Variants in SLC12A7 observed in about 807,000 individuals in gnomAD.
The protein encoded by SLC12A7 is K-Cl cotransporter 4.
Under a neutral mutation model 120.6 loss-of-function variants are expected in SLC12A7, and 100 were observed. That is an observed-to-expected ratio of 0.83 (90% confidence interval 0.71 to 0.98). The LOEUF (loss-of-function observed/expected upper bound fraction) is 0.98. Ranked by LOEUF, SLC12A7 falls within the 50% of genes least tolerant of loss-of-function variation. SLC12A7 has a pLI of 0.00. For synonymous variants in SLC12A7, 760 were observed against 678.0 expected (o/e 1.12, Z -1.88); for missense variants, 1,373 against 1,548.1 (o/e 0.89, Z 1.90).
At chr5:1,148,154 T>A in the SLC12A7 span, among the ~76,000 whole-genome samples, 12 of 152,148 alleles carry the variant, frequency 7.9e-5, no homozygotes, top group Admixed American at 7.9e-4. Context: ...TAAACCTCTT[T>A]AAATATTTTA....
rs1736041351 is a variant in SLC12A7 at position 1,060,239 on chromosome 5, C to A, written c.2847+105G>T. On this transcript the variant is annotated intron_variant, in intron 21 of 23. Coordinates refer to ENST00000264930, the MANE Select transcript of SLC12A7 (RefSeq NM_006598.3). The stretch of plus-strand genomic sequence containing the variant: ...TGCGACGCAGTACCTGAGGCATGCT[C>A]TCTGGAGGACCCTCGTGGGCTGCAG... 1.1e-5 allele frequency: 9 copies of A among 845,624 alleles called. No individual in the cohort carries two copies. The East Asian group carries it at 2.2e-4, about 21-fold the overall frequency. 52.4% of individuals were successfully genotyped at this position (845,624 alleles called of 1,614,324 possible). A position where few individuals can be genotyped will look rare whatever the true frequency, so the allele number is the denominator to read the frequency against.
chr5:1,084,412 G>A (rs969528173), intron 7 of SLC12A7, among the ~76,000 whole-genome samples: 3 of 152,218 alleles, frequency 2.0e-5, no homozygotes, highest in East Asian at 1.9e-4. Context: ...GGCCCTCGGC[G>A]GCGTCCTGGC....
chr5:1,153,782 C>T, the SLC12A7 span, among the ~76,000 whole-genome samples: 5 of 152,180 alleles, frequency 3.3e-5, no homozygotes, highest in South Asian at 2.1e-4. Flanking sequence ...TCAAGAGGAA[C>T]GTGCACCCTG....
At chr5:1,138,396 T>C in the SLC12A7 span, among the ~76,000 whole-genome samples, 1 of 152,212 alleles carries the variant, frequency 6.6e-6, no homozygotes. Flanking sequence ...TGCTGATTGG[T>C]GCATTTACAA....
At chr5:1,133,321 C>T in the SLC12A7 span, among the ~76,000 whole-genome samples, 5 of 152,162 alleles carry the variant, frequency 3.3e-5, no homozygotes, top group Admixed American at 3.3e-4. Context: ...CTCCCCCCAA[C>T]CCCCCGACCT....
At position 1,063,969 on chromosome 5, in the gene SLC12A7, T is replaced by A. The variant is rs1318094509; in HGVS notation, c.2614A>T (p.Arg872Trp). The change falls in exon 20 of 24, where the codon AGG becomes TGG. Residue 872 changes from arginine (R) to tryptophan (W), a missense_variant. Physicochemically the swap from Arg to Trp is moderately radical, Grantham distance 101 (BLOSUM62 -3). Transcript: ENST00000264930. Reference protein sequence around the residue: ...PFLLRQHKVWRKCRMRIFTVA... With the variant: ...PFLLRQHKVWWKCRMRIFTVA... ...GTGAAGATACGCATCCGGCACTTCC[T>A]CCACACCTGCAGACAGGGAGGGCAT... 6.2e-7 allele frequency: 1 copy of A among 1,612,262 alleles called. No individual in the cohort carries two copies. The highest frequency in any genetic ancestry group is 8.5e-7 in the Non-Finnish European group (1 of 1,179,672).
the SLC12A7 span, among the ~76,000 whole-genome samples, chr5:1,145,107 C>T: frequency 6.6e-5 from 10 of 152,228 alleles, no homozygotes; most frequent in South Asian, 4.1e-4. This position sits in a 1 kb window ranked among gnomAD's most constrained non-coding sequence, Gnocchi z 4.4. Flanking sequence ...AGCTGGAGGC[C>T]GCAGGGGGCC....
At chr5:1,078,505 C>T (rs959268939) in intron 11 of SLC12A7, 196 bp downstream of exon 11, 6 of 630,090 alleles carry the variant, frequency 9.5e-6, no homozygotes, top group South Asian at 1.9e-5. Flanking sequence ...TGGCTCTGAA[C>T]GGTTCCCCAG....
At chr5:1,136,590 A>G in the SLC12A7 span, among the ~76,000 whole-genome samples, 1 of 127,696 alleles carries the variant, frequency 7.8e-6, no homozygotes, top group Non-Finnish European at 1.6e-5. Context: ...ATGCTCAGAC[A>G]CCACCAGGAC....
At chr5:1,123,637 G>A in the SLC12A7 span, among the ~76,000 whole-genome samples, 1 of 152,238 alleles carries the variant, frequency 6.6e-6, no homozygotes, top group Non-Finnish European at 1.5e-5. Flanking sequence ...CCCCGCTGAG[G>A]GGCCGGGGGC....
chr5:1,115,400 G>A (rs770638916), upstream of SLC12A7, among the ~76,000 whole-genome samples: 4 of 152,220 alleles, frequency 2.6e-5, no homozygotes, highest in Non-Finnish European at 4.4e-5. Flanking sequence ...TGTGGCCTGG[G>A]AGGGCTCTCA....
At chr5:1,052,555 GT>G (rs891193891) in intron 23 of SLC12A7, 104 bp from the exon 24 acceptor site, 2 of 1,004,350 alleles carry the variant, frequency 2.0e-6, no homozygotes, top group African/African-American at 3.2e-5. Context: ...CTAAGATTTG[GT>G]TTGAGAAACC....
At chr5:1,067,519 C>T (rs963921270) in intron 17 of SLC12A7, among the ~76,000 whole-genome samples, 1 of 152,248 alleles carries the variant, frequency 6.6e-6, no homozygotes, top group Non-Finnish European at 1.5e-5. Context: ...CCGATCTGGC[C>T]GGAGAACGGA....
intron 3 of SLC12A7, among the ~76,000 whole-genome samples, chr5:1,093,323 C>G (rs942667776): frequency 6.6e-6 from 1 of 152,202 alleles, no homozygotes; most frequent in South Asian, 2.1e-4. Context: ...GGGGGTGTCA[C>G]GCTTCCCCGG....
chr5:1,057,428 T>C, intron 22 of SLC12A7, 43 bp downstream of exon 22: 1 of 1,559,872 alleles, frequency 6.4e-7, no homozygotes, highest in Non-Finnish European at 8.7e-7. Context: ...GGGCCAGCAC[T>C]GCCAGGATCT....
At position 1,074,199 on chromosome 5, in the gene SLC12A7, G is replaced by A. The variant is rs542029967; in HGVS notation, c.2072+368C>T. 2.2e-4 allele frequency among the ~76,000 whole-genome samples: 33 copies of A among 151,456 alleles called. No individual in the cohort carries two copies. The South Asian group carries it at 2.5e-3, about 12-fold the overall frequency. On this transcript the variant is annotated intron_variant, in intron 16 of 23. Coordinates refer to ENST00000264930, the MANE Select transcript of SLC12A7 (RefSeq NM_006598.3). Reference sequence around the variant, plus strand: ...GGGGACAATGGCCCGGGGCACACCCGAGGCCCCCGCCGAGGCCCCTGAGGG... The same window carrying A: ...GGGGACAATGGCCCGGGGCACACCCAAGGCCCCCGCCGAGGCCCCTGAGGG...
chr5:1,141,832 C>T, the SLC12A7 span, among the ~76,000 whole-genome samples: 1 of 152,192 alleles, frequency 6.6e-6, no homozygotes, highest in Non-Finnish European at 1.5e-5. Flanking sequence ...GACAGATCAA[C>T]AGATGAACAA....
intron 17 of SLC12A7, among the ~76,000 whole-genome samples, chr5:1,066,604 T>C (rs930118662): frequency 6.6e-6 from 1 of 152,188 alleles, no homozygotes; most frequent in East Asian, 1.9e-4. Flanking sequence ...CCTGTCTTTA[T>C]GGATGTATTG....
the SLC12A7 span, among the ~76,000 whole-genome samples, chr5:1,136,468 G>C: frequency 7.8e-6 from 1 of 127,678 alleles, no homozygotes; most frequent in Non-Finnish European, 1.6e-5. Flanking sequence ...GCACACGTGT[G>C]CTCAGACACC....
Sources: gnomAD v4.1 joint callset for allele counts (sites outside exome capture counted in the v4.1 genomes callset) on GRCh38, gnomAD v4.1.1 for gene constraint, Gnocchi (gnomAD v3.1) non-coding constraint, MANE v1.5 for transcripts, NCBI Gene and HGNC (gene_info 2026-07-23, HGNC 2026-07-21) for gene names.